The following EXOC6B variants were observed in gnomAD, a reference collection of about 807,000 sequenced individuals.
EXOC6B encodes SEC15 homolog B.
In EXOC6B, 54 loss-of-function variants were observed where a neutral mutation model predicts 113.5. The observed-to-expected ratio is 0.48, with a 90% CI of 0.38 to 0.60. The LOEUF is 0.60. EXOC6B is among the 20% of genes least tolerant of loss of function. The pLI, the probability that EXOC6B is intolerant of heterozygous loss-of-function variation, is 0.00. For synonymous variants in EXOC6B, 357 were observed against 339.0 expected (o/e 1.05, Z -0.58); for missense variants, 797 against 977.5 (o/e 0.82, Z 2.46).
intron 8 of EXOC6B, among the ~76,000 whole-genome samples, chr2:72,535,183 CT>C (rs1372100257): frequency 2.0e-5 from 3 of 152,128 alleles, no homozygotes; most frequent in Non-Finnish European, 2.9e-5. Context: ...GCAAGGACCT[CT>C]TTTTTTAAGA....
intron 6 of EXOC6B, among the ~76,000 whole-genome samples, chr2:72,655,819 T>C (rs1358559401): frequency 6.6e-6 from 1 of 152,102 alleles, no homozygotes; most frequent in African/African-American, 2.4e-5. Context: ...CCCTGAGATA[T>C]TTTGCAAAGC....
intron 20 of EXOC6B, among the ~76,000 whole-genome samples, chr2:72,324,021 A>T (rs1010677134): frequency 6.6e-6 from 1 of 152,118 alleles, no homozygotes; most frequent in Admixed American, 6.6e-5. Flanking sequence ...TTAAAAAAAA[A>T]GTTAAATATA....
chr2:72,812,425 T>A (rs745889646), intron 1 of EXOC6B, among the ~76,000 whole-genome samples: 94 of 152,214 alleles, frequency 6.2e-4, no homozygotes, highest in Non-Finnish European at 7.5e-4. Flanking sequence ...ATTGGAAGAC[T>A]CATTAGTAAA....
chr2:72,360,572 G>A (rs1690249508), intron 19 of EXOC6B, among the ~76,000 whole-genome samples: 1 of 152,058 alleles, frequency 6.6e-6, no homozygotes, highest in East Asian at 1.9e-4. Flanking sequence ...TGAGGAATAT[G>A]AGCCATGTGA....
intron 6 of EXOC6B, among the ~76,000 whole-genome samples, chr2:72,635,212 C>A (rs558750804): frequency 6.6e-6 from 1 of 151,426 alleles, no homozygotes; most frequent in Non-Finnish European, 1.5e-5. Flanking sequence ...ATCATAAGGA[C>A]AAAAACACAA....
At chr2:72,458,784 T>C (rs1697420145) in intron 18 of EXOC6B, among the ~76,000 whole-genome samples, 1 of 152,040 alleles carries the variant, frequency 6.6e-6, no homozygotes, top group South Asian at 2.1e-4. Context: ...CCAGGTTTGA[T>C]CCACATTACT....
At chr2:72,334,890 T>C in intron 20 of EXOC6B, 57 bp downstream of exon 20, 5 of 1,505,400 alleles carry the variant, frequency 3.3e-6, no homozygotes, top group South Asian at 2.2e-5. Context: ...TAAGACCTGA[T>C]GGTCTTCAGT....
At chr2:72,661,748 A>G (rs1675034196) in intron 6 of EXOC6B, among the ~76,000 whole-genome samples, 1 of 152,106 alleles carries the variant, frequency 6.6e-6, no homozygotes, top group Non-Finnish European at 1.5e-5. Context: ...TGTTAAAAAC[A>G]ATTATTAAAA....
chr2:72,406,003 G>A (rs1456035685), intron 18 of EXOC6B, among the ~76,000 whole-genome samples: 1 of 152,152 alleles, frequency 6.6e-6, no homozygotes, highest in Non-Finnish European at 1.5e-5. Flanking sequence ...AAGGGATGGA[G>A]GAAGATCTAC....
At chr2:72,336,888 T>C (rs373252144) in intron 19 of EXOC6B, among the ~76,000 whole-genome samples, 16 of 151,974 alleles carry the variant, frequency 1.1e-4, no homozygotes, top group Middle Eastern at 3.4e-3. Context: ...ATGCCTGTAA[T>C]CTGAGCTACT....
chr2:72,239,334 T>C (rs748272920), intron 20 of EXOC6B, among the ~76,000 whole-genome samples: 13 of 152,240 alleles, frequency 8.5e-5, no homozygotes, highest in Admixed American at 7.8e-4. Context: ...AGGTCTTTGA[T>C]ACACTTTGAG....
chr2:72,424,140 G>A (rs946096089), intron 18 of EXOC6B, among the ~76,000 whole-genome samples: 1 of 151,968 alleles, frequency 6.6e-6, no homozygotes, highest in Non-Finnish European at 1.5e-5. Context: ...TATGATTGGG[G>A]GACAGTTTTA....
intron 6 of EXOC6B, among the ~76,000 whole-genome samples, chr2:72,651,195 A>C (rs1674143702): frequency 6.6e-6 from 1 of 152,220 alleles, no homozygotes; most frequent in African/African-American, 2.4e-5. Flanking sequence ...TAAACTGTGG[A>C]TTATGAAAGT....
At chr2:72,460,922 G>A (rs374598868) in intron 18 of EXOC6B, among the ~76,000 whole-genome samples, 16 of 150,938 alleles carry the variant, frequency 1.1e-4, no homozygotes, top group African/African-American at 2.4e-4. Context: ...TGTTTATTGC[G>A]GCACTATTCA....
intron 6 of EXOC6B, among the ~76,000 whole-genome samples, chr2:72,634,584 T>C (rs955742857): frequency 3.3e-5 from 5 of 152,100 alleles, no homozygotes; most frequent in Admixed American, 3.3e-4. Context: ...TAAGCAGAAA[T>C]AGACAAATCC....
intron 18 of EXOC6B, among the ~76,000 whole-genome samples, chr2:72,426,848 T>C (rs1695226788): frequency 1.3e-5 from 2 of 152,260 alleles, no homozygotes; most frequent in South Asian, 4.1e-4. Context: ...CGGCCGCTGC[T>C]ACCACTCCAG....
intron 19 of EXOC6B, among the ~76,000 whole-genome samples, chr2:72,353,387 T>TATTGTATTGTA (rs1203832567): frequency 7.6e-5 from 8 of 105,078 alleles, no homozygotes; most frequent in Middle Eastern, 4.3e-3. Flanking sequence ...GTATCGTATT[T>TATTGTATTGTA]TTGAGATGGA....
chr2:72,671,785 AAGAAAGAAAGAAAG>A (rs1489253431), intron 6 of EXOC6B, among the ~76,000 whole-genome samples: 16 of 128,126 alleles, frequency 1.2e-4, no homozygotes, highest in African/African-American at 4.5e-4. Context: ...GAAAGAAAGA[AAGAAAGAAAGAAAG>A]AAAGAAAGAA....
chr2:72,501,884 C>A (rs1320527681), intron 11 of EXOC6B, among the ~76,000 whole-genome samples: 1 of 151,832 alleles, frequency 6.6e-6, no homozygotes, highest in Non-Finnish European at 1.5e-5. Flanking sequence ...CTCAGTACCC[C>A]CAAGTAGCTG....
Sources: allele counts gnomAD v4.1 joint callset (sites outside exome capture counted in the v4.1 genomes callset), GRCh38; gene constraint gnomAD v4.1.1; transcripts MANE v1.5; gene names NCBI Gene and HGNC (gene_info 2026-07-23, HGNC 2026-07-21).